EHMT1: variants seen among roughly 807,000 people sequenced by gnomAD.
EHMT1 encodes euchromatic histone lysine methyltransferase 1.
Under a neutral mutation model 147.2 loss-of-function variants are expected in EHMT1, and 15 were observed. That is an observed-to-expected ratio of 0.10 (90% CI 0.07 to 0.16). EHMT1 has a LOEUF of 0.16. Ranked by LOEUF, EHMT1 falls within the 10% of genes least tolerant of loss-of-function variation. The pLI is 1.00. For synonymous variants in EHMT1, 795 were observed against 709.6 expected, an observed-to-expected ratio of 1.12 and a Z score of -1.91; for missense variants, 1,587 against 1,772.4, an observed-to-expected ratio of 0.90 and a Z score of 1.88.
intron 21 of EHMT1, chr9:137,814,142 C>G (rs1035839714): frequency 2.2e-6 from 1 of 457,728 alleles, no homozygotes; most frequent in East Asian, 4.3e-5. Flanking sequence ...GCCACAAATG[C>G]AGCCGCCGCC....
intron 6 of EHMT1, among the ~76,000 whole-genome samples, chr9:137,744,799 C>T (rs183473802): frequency 2.0e-5 from 3 of 152,394 alleles, no homozygotes; most frequent in Non-Finnish European, 2.9e-5. Context: ...CCTGTGTCCA[C>T]CCAAGGACAA....
chr9:137,643,599 T>C (rs922459475), intron 1 of EHMT1, among the ~76,000 whole-genome samples: 9 of 151,800 alleles, frequency 5.9e-5, no homozygotes, highest in Non-Finnish European at 8.8e-5. Context: ...CTGCCCACCT[T>C]GGCCTCCCAA....
intron 9 of EHMT1, among the ~76,000 whole-genome samples, chr9:137,759,365 G>C (rs1949629110): frequency 6.6e-6 from 1 of 152,218 alleles, no homozygotes; most frequent in Non-Finnish European, 1.5e-5. Flanking sequence ...TTGGTTTTAA[G>C]GAGTAAATAG....
intron 4 of EHMT1, among the ~76,000 whole-genome samples, chr9:137,734,202 G>A (rs983753135): frequency 6.6e-6 from 1 of 152,186 alleles, no homozygotes; most frequent in Admixed American, 6.5e-5. Flanking sequence ...TAAAGTAACT[G>A]TCTTAGATAT....
chr9:137,752,866 G>A (rs1394082513), intron 7 of EHMT1, among the ~76,000 whole-genome samples: 10 of 152,156 alleles, frequency 6.6e-5, no homozygotes, highest in African/African-American at 1.4e-4. Flanking sequence ...ATCGGCTGAC[G>A]TGCGAGAAGG....
intron 1 of EHMT1, among the ~76,000 whole-genome samples, chr9:137,698,979 A>C (rs1353109371): frequency 6.6e-6 from 1 of 150,640 alleles, no homozygotes; most frequent in Non-Finnish European, 1.5e-5. Flanking sequence ...TTGATGGGGC[A>C]GGAGGCCACG....
At chr9:137,641,385 C>G (rs934931271) in intron 1 of EHMT1, 1 of 524,200 alleles carries the variant, frequency 1.9e-6, no homozygotes, top group Non-Finnish European at 3.8e-6. Context: ...AAAACCTATT[C>G]TGTAACCTGA....
chr9:137,733,098 A>G (rs768595587), intron 4 of EHMT1, among the ~76,000 whole-genome samples: 38 of 152,160 alleles, frequency 2.5e-4, no homozygotes, highest in Admixed American at 5.9e-4. Flanking sequence ...GGTGGCTGTG[A>G]TTCTCTTCGA....
rs1950888284 is a variant in EHMT1 at position 137,775,462 on chromosome 9, T to G, written c.1791+210T>G. 6.7e-6 allele frequency among the ~76,000 whole-genome samples: 1 copy of G among 149,148 alleles called. No homozygotes were observed. Among genetic ancestry groups the G allele is most frequent in the Admixed American group, 6.6e-5 (1 of 15,040 alleles). ...AGACACCTTCACCCCCAACCCCCATTTCCCTCCTACCGCCTGGAAACCGCT... is the reference window on the plus strand; with the variant it reads ...AGACACCTTCACCCCCAACCCCCATGTCCCTCCTACCGCCTGGAAACCGCT... On this transcript the variant is annotated intron_variant, in intron 11 of 26. Coordinates refer to ENST00000460843, the MANE Select transcript of EHMT1 (RefSeq NM_024757.5). The surrounding 1 kb of genome is among the most constrained non-coding windows in gnomAD (Gnocchi z 6.1).
chr9:137,666,713 T>TG (rs1445591599), intron 1 of EHMT1, among the ~76,000 whole-genome samples: 1 of 152,146 alleles, frequency 6.6e-6, no homozygotes, highest in Non-Finnish European at 1.5e-5. Flanking sequence ...ACGTGTGGGT[T>TG]GTGTGATGAT....
rs747929339 is a variant in EHMT1 at position 137,728,423 on chromosome 9, A to G, written c.717A>G (p.Lys239=). The G allele has an allele frequency of 1.2e-6, 2 of 1,614,218 alleles. No individual in the cohort carries two copies. Among genetic ancestry groups the G allele is most frequent in the Non-Finnish European group, 1.7e-6 (2 of 1,180,042 alleles). The change falls in exon 4 of 27, where the codon AAA becomes AAG. Residue 239 remains lysine (K), a synonymous_variant. Coordinates refer to ENST00000460843, the MANE Select transcript of EHMT1 (RefSeq NM_024757.5). ...AGGAACCAAAAGAGGAGATCAACAA[A>G]AACATTTCTGACTTTGGACGACAGC... ...DHKEPKEEIN[K]NISDFGRQQL...
chr9:137,708,026 AGAAAT>A (rs1460597854), intron 1 of EHMT1, among the ~76,000 whole-genome samples: 3 of 152,268 alleles, frequency 2.0e-5, no homozygotes, highest in Non-Finnish European at 4.4e-5. Flanking sequence ...TTACTGTAAA[AGAAAT>A]GAAAACTGAA....
At chr9:137,795,793 G>A (rs1952892339) in intron 16 of EHMT1, among the ~76,000 whole-genome samples, 1 of 152,032 alleles carries the variant, frequency 6.6e-6, no homozygotes, top group Non-Finnish European at 1.5e-5. Flanking sequence ...GTGGGAGGTG[G>A]TACAGTATTA....
chr9:137,709,102 C>T (rs1384580301), intron 1 of EHMT1, among the ~76,000 whole-genome samples: 1 of 152,228 alleles, frequency 6.6e-6, no homozygotes, highest in African/African-American at 2.4e-5. Flanking sequence ...GGGGCTGACA[C>T]CACCGCTTGG....
intron 18 of EHMT1, chr9:137,802,908 AG>A: frequency 2.4e-6 from 3 of 1,232,502 alleles, no homozygotes; most frequent in Non-Finnish European, 3.0e-6. Context: ...GGAAGAGAAG[AG>A]GGAAGCAGAG....
At position 137,703,482 on chromosome 9, in the gene EHMT1, C is replaced by T. The variant is rs368790312; in HGVS notation, c.22-7485C>T. On this transcript the variant is annotated intron_variant, in intron 1 of 26. Transcript: ENST00000460843. ...TAGAAGCAGCCAGGCCACATCTTGACTGCTTTGCTACTTAGGAATTTCTTC... is the reference window on the plus strand; with the variant it reads ...TAGAAGCAGCCAGGCCACATCTTGATTGCTTTGCTACTTAGGAATTTCTTC... Among the ~76,000 whole-genome samples the T allele has an allele frequency of 2.6e-5, 4 of 152,312 alleles. No individual in the cohort carries two copies. In the East Asian group the frequency reaches 7.7e-4, roughly 29 times the overall value.
chr9:137,696,730 G>T (rs1943424966), intron 1 of EHMT1, among the ~76,000 whole-genome samples: 1 of 152,126 alleles, frequency 6.6e-6, no homozygotes, highest in Non-Finnish European at 1.5e-5. Context: ...TTCATGTCTT[G>T]CCGTCATGGG....
chr9:137,725,536 CA>C (rs1488481675), intron 3 of EHMT1, among the ~76,000 whole-genome samples: 1 of 152,088 alleles, frequency 6.6e-6, no homozygotes, highest in Non-Finnish European at 1.5e-5. Context: ...GGAGAAGCAA[CA>C]AAAAACTCCA....
At chr9:137,809,167 G>C (rs1489857556) in intron 18 of EHMT1, among the ~76,000 whole-genome samples, 2 of 152,186 alleles carry the variant, frequency 1.3e-5, no homozygotes, top group East Asian at 3.9e-4. Context: ...GAAGTCAAGG[G>C]AACAGTGAAG....
Sources: gnomAD v4.1 joint callset for allele counts (sites outside exome capture counted in the v4.1 genomes callset) on GRCh38, gnomAD v4.1.1 for gene constraint, Gnocchi (gnomAD v3.1) non-coding constraint, MANE v1.5 for transcripts, NCBI Gene and HGNC (gene_info 2026-07-23, HGNC 2026-07-21) for gene names.